The following DLC1 variants were observed in gnomAD, a reference collection of about 807,000 sequenced individuals.
DLC1 encodes DLC1 Rho GTPase activating protein.
In DLC1, 54 loss-of-function variants were observed where a neutral mutation model predicts 140.3. That is an observed-to-expected ratio of 0.38 (90% CI 0.31 to 0.48). The LOEUF (loss-of-function observed/expected upper bound fraction) is 0.48, where lower values mean the gene tolerates loss of function less well. Ranked by LOEUF, DLC1 falls within the 20% of genes least tolerant of loss-of-function variation. DLC1 has a pLI of 0.96. For synonymous variants in DLC1, 986 were observed against 728.1 expected, an observed-to-expected ratio of 1.35 and a Z score of -5.70; for missense variants, 2,536 against 1,907.0, an observed-to-expected ratio of 1.33 and a Z score of -6.14.
In DLC1 at chr8:13,120,027, C is replaced by A. The variant is rs180854731; in HGVS notation, c.1349-4370G>T. Among the ~76,000 whole-genome samples the A allele has an allele frequency of 2.6e-5, 4 of 151,408 alleles. No individual in the cohort carries two copies. The East Asian group carries it at 7.8e-4, about 30-fold the overall frequency. On this transcript the variant is annotated intron_variant, in intron 5 of 17. Coordinates refer to ENST00000276297, the MANE Select transcript of DLC1 (RefSeq NM_182643.3). Reference sequence around the variant, plus strand: ...AAAATGCAAGGTTCTTCCTGCAAGACAGGTTCTTCCCTTTAAAAATACTGT... The same window carrying A: ...AAAATGCAAGGTTCTTCCTGCAAGAAAGGTTCTTCCCTTTAAAAATACTGT...
chr8:13,466,162 C>G (rs1189263090), intron 2 of DLC1, among the ~76,000 whole-genome samples: 2 of 152,158 alleles, frequency 1.3e-5, no homozygotes, highest in Non-Finnish European at 2.9e-5. Flanking sequence ...CCAGTTAGAA[C>G]CCCCATGGGA....
At chr8:13,344,170 A>G (rs1193499298) in intron 4 of DLC1, among the ~76,000 whole-genome samples, 1 of 152,224 alleles carries the variant, frequency 6.6e-6, no homozygotes, top group Non-Finnish European at 1.5e-5. Context: ...AAGTACAAAG[A>G]TGAATTAGCT....
At chr8:13,365,730 G>C (rs1835449101) in intron 4 of DLC1, among the ~76,000 whole-genome samples, 1 of 152,034 alleles carries the variant, frequency 6.6e-6, no homozygotes, top group Non-Finnish European at 1.5e-5. Flanking sequence ...GGGGAGAGCG[G>C]AATGTGAGGC....
chr8:13,198,563 T>G (rs2117055791), intron 5 of DLC1, among the ~76,000 whole-genome samples: 1 of 152,340 alleles, frequency 6.6e-6, no homozygotes, highest in African/African-American at 2.4e-5. Flanking sequence ...CTTCAAATTT[T>G]TCTTTTAGAT....
chr8:13,107,876 C>T (rs768893168), intron 7 of DLC1, among the ~76,000 whole-genome samples: 1 of 151,970 alleles, frequency 6.6e-6, no homozygotes, highest in Non-Finnish European at 1.5e-5. Context: ...AACCCCATCT[C>T]TACTAAAAAA....
At chr8:13,168,880 T>A (rs1160721787) in intron 5 of DLC1, among the ~76,000 whole-genome samples, 2 of 152,118 alleles carry the variant, frequency 1.3e-5, no homozygotes, top group Admixed American at 1.3e-4. Context: ...GTGATTAGAA[T>A]TCTGTGTTTC....
At chr8:13,097,976 G>T (rs547971826) in intron 10 of DLC1, among the ~76,000 whole-genome samples, 9 of 140,662 alleles carry the variant, frequency 6.4e-5, no homozygotes, top group Admixed American at 7.9e-5. Flanking sequence ...TTGAGCCCAG[G>T]AATTCCAGAC....
chr8:13,168,652 T>A (rs1202149244), intron 5 of DLC1, among the ~76,000 whole-genome samples: 2 of 152,212 alleles, frequency 1.3e-5, no homozygotes, highest in Non-Finnish European at 2.9e-5. Flanking sequence ...CTGTCTCTAG[T>A]CCAGATAAGG....
intron 4 of DLC1, chr8:13,338,578 C>G (rs546991379): frequency 2.5e-4 from 38 of 152,256 alleles, no homozygotes; most frequent in African/African-American, 9.1e-4. Flanking sequence ...ACCAATGACT[C>G]TTTTTGTGAA....
intron 1 of DLC1, among the ~76,000 whole-genome samples, chr8:13,509,120 C>T (rs956837913): frequency 7.2e-5 from 11 of 152,102 alleles, no homozygotes; most frequent in Admixed American, 5.9e-4. Context: ...ACAAGGAACA[C>T]GGATTATAAT....
chr8:13,322,679 G>C (rs999744016), intron 4 of DLC1, among the ~76,000 whole-genome samples: 2 of 152,064 alleles, frequency 1.3e-5, no homozygotes, highest in African/African-American at 4.8e-5. Context: ...GTTTCTTTTG[G>C]AAAAGTGTGT....
At chr8:13,091,237 A>T (rs1306149973) in intron 14 of DLC1, 81 bp downstream of exon 14, 1 of 1,376,636 alleles carries the variant, frequency 7.3e-7, no homozygotes, top group Non-Finnish European at 1.0e-6. Context: ...TTCAGGTAAG[A>T]CATGAACAAG....
chr8:13,561,376 C>A (rs535007900), intron 1 of DLC1, among the ~76,000 whole-genome samples: 10 of 152,242 alleles, frequency 6.6e-5, no homozygotes, highest in African/African-American at 1.9e-4. Context: ...GAAGGGGTCT[C>A]GCTGTGTTGC....
At chr8:13,251,590 T>C (rs1450989080) in intron 5 of DLC1, among the ~76,000 whole-genome samples, 3 of 152,192 alleles carry the variant, frequency 2.0e-5, no homozygotes, top group Non-Finnish European at 4.4e-5. Flanking sequence ...TTTGGATAAA[T>C]TTATCCATCT....
rs374578878 is a variant in DLC1 at position 13,275,893 on chromosome 8, G to A, written c.1348+29376C>T. On this transcript the variant is annotated intron_variant, in intron 5 of 17. Transcript: ENST00000276297. ...TCAGCTTCAGCTCCAAAGCTGACCCGAGACAGCCCCGAGGATCTCAGGGCT... is the reference window on the plus strand; with the variant it reads ...TCAGCTTCAGCTCCAAAGCTGACCCAAGACAGCCCCGAGGATCTCAGGGCT... Among the ~76,000 whole-genome samples, 32 of 152,234 alleles carry A rather than the reference G, an allele frequency of 2.1e-4. 1 individual carries two copies. Among genetic ancestry groups the A allele is most frequent in the African/African-American group, 7.7e-4 (32 of 41,548 alleles).
chr8:13,290,246 T>C (rs767967211), intron 5 of DLC1, among the ~76,000 whole-genome samples: 2 of 152,174 alleles, frequency 1.3e-5, no homozygotes, highest in Non-Finnish European at 2.9e-5. Flanking sequence ...GGAAGAATAA[T>C]AGATGTGAAA....
intron 2 of DLC1, among the ~76,000 whole-genome samples, chr8:13,427,658 C>T (rs533889900): frequency 1.0e-3 from 152 of 152,218 alleles, no homozygotes; most frequent in African/African-American, 3.4e-3. Flanking sequence ...TCCCACTTCC[C>T]GTGGAATTAC....
intron 1 of DLC1, among the ~76,000 whole-genome samples, chr8:13,528,578 C>T (rs532446527): frequency 5.3e-4 from 80 of 152,212 alleles, no homozygotes; most frequent in African/African-American, 1.8e-3. Flanking sequence ...ATTTCCTCTA[C>T]TTATATTAGT....
intron 4 of DLC1, among the ~76,000 whole-genome samples, chr8:13,381,776 A>T (rs1016527258): frequency 6.6e-6 from 1 of 152,228 alleles, no homozygotes; most frequent in Non-Finnish European, 1.5e-5. Context: ...AAACCATGGG[A>T]CATAATAGAT....
Sources: gnomAD v4.1 joint callset for allele counts (sites outside exome capture counted in the v4.1 genomes callset) on GRCh38, gnomAD v4.1.1 for gene constraint, MANE v1.5 for transcripts, NCBI Gene and HGNC (gene_info 2026-07-23, HGNC 2026-07-21) for gene names.